PTGR1: variants seen among roughly 807,000 people sequenced by gnomAD.
PTGR1 encodes the protein 15-oxoprostaglandin 13-reductase.
Under a neutral mutation model 37.7 loss-of-function variants are expected in PTGR1, and 23 were observed. The observed-to-expected ratio is 0.61, with a 90% CI of 0.44 to 0.86. The LOEUF (loss-of-function observed/expected upper bound fraction) is 0.86. PTGR1 is among the 40% of genes least tolerant of loss of function. The pLI is 0.00. For synonymous variants in PTGR1, 134 were observed against 140.0 expected, an observed-to-expected ratio of 0.96 and a Z score of 0.30; for missense variants, 351 against 394.3, an observed-to-expected ratio of 0.89 and a Z score of 0.93.
At position 111,586,042 on chromosome 9, in the gene PTGR1, G is replaced by A. The variant is rs1449656581; in HGVS notation, c.333C>T (p.Asp111=). 6.2e-7 allele frequency: 1 copy of A among 1,614,068 alleles called. No homozygotes were observed. Among genetic ancestry groups the A allele is most frequent in the East Asian group, 2.2e-5 (1 of 44,888 alleles). The change falls in exon 5 of 10, where the codon GAC becomes GAT. Residue 111 remains aspartate (D), a synonymous_variant. Transcript: ENST00000407693. ...DLEKLLTEWP[D]TIPLSLALGT... ...CCAGAGCCAAAGACAGTGGTATTGTGTCTGGCCACTCTGTCAGCAGCTTTT... is the reference window on the plus strand; with the variant it reads ...CCAGAGCCAAAGACAGTGGTATTGTATCTGGCCACTCTGTCAGCAGCTTTT...
downstream of PTGR1, among the ~76,000 whole-genome samples, chr9:111,558,343 A>G (rs1366025337): frequency 6.6e-6 from 1 of 152,128 alleles, no homozygotes; most frequent in Non-Finnish European, 1.5e-5. Context: ...TTCTTTCAAC[A>G]TGACTTCATT....
intron 7 of PTGR1, chr9:111,577,157 A>G (rs1343671092): frequency 6.6e-6 from 1 of 152,212 alleles, no homozygotes; most frequent in Non-Finnish European, 1.5e-5. Flanking sequence ...TTTTGAACAG[A>G]TATTTCTCCA....
In PTGR1 at chr9:111,578,834, T is replaced by A. The variant is rs1564617355; in HGVS notation, c.613A>T (p.Lys205Ter). The A allele has an allele frequency of 2.5e-6, 4 of 1,608,350 alleles. No homozygotes were observed. Among genetic ancestry groups the A allele is most frequent in the Non-Finnish European group, 3.4e-6 (4 of 1,178,352 alleles). The change falls in exon 7 of 10, where the codon AAA becomes TAA. Residue 205 changes from lysine to a stop codon, truncating the protein, a stop_gained. Transcript: ENST00000407693. LOFTEE classifies it high-confidence loss of function. ...CAATCATAACCATCAGGAGACGCTT[T>A]CTTCAAGGTTTCTTCCAAAGACTCT... ...TVESLEETLK[K>*]ASPDGYDCYF...
At chr9:111,592,473 AAACTT>A (rs1829649506) in intron 4 of PTGR1, 1 of 156,484 alleles carries the variant, frequency 6.4e-6, no homozygotes, top group Admixed American at 6.2e-5. Flanking sequence ...CGCCCTCACT[AAACTT>A]AATAATAAAT....
At chr9:111,573,309 T>C (rs545631543) in intron 8 of PTGR1, among the ~76,000 whole-genome samples, 10 of 152,288 alleles carry the variant, frequency 6.6e-5, no homozygotes, top group African/African-American at 2.2e-4. Flanking sequence ...ACAATAAGAT[T>C]GCCAAGTAAA....
At chr9:111,566,134 T>C (rs148729303) in intron 9 of PTGR1, among the ~76,000 whole-genome samples, 1 of 151,936 alleles carries the variant, frequency 6.6e-6, no homozygotes, top group Non-Finnish European at 1.5e-5. Flanking sequence ...ACCCAGGAAG[T>C]AGAGGTTGCA....
chr9:111,560,960 TATATATATATATATAGAG>T (rs1439713488), downstream of PTGR1, among the ~76,000 whole-genome samples: 4 of 44,190 alleles, frequency 9.1e-5, no homozygotes, highest in East Asian at 6.1e-4. Flanking sequence ...TATATATATA[TATATATATATATATAGAG>T]AGAGAGAGAG....
Position 111,597,428 on chromosome 9 carries a change from A to C in PTGR1, c.-6T>G. On this transcript the variant is annotated 5_prime_UTR_variant, in exon 2 of 10. Coordinates refer to ENST00000407693, the MANE Select transcript of PTGR1 (RefSeq NM_001146108.2). ...CATGTCTTAGTACGAACCATCCTGAAGCTCCTAGAACACAGTAAATATGTA... is the reference window on the plus strand; with the variant it reads ...CATGTCTTAGTACGAACCATCCTGACGCTCCTAGAACACAGTAAATATGTA... The C allele has an allele frequency of 6.3e-7, 1 of 1,594,558 alleles. No homozygotes were observed. Among genetic ancestry groups the C allele is most frequent in the Non-Finnish European group, 8.6e-7 (1 of 1,164,410 alleles).
At chr9:111,550,972 A>C (rs1383668072) in intron 9 of PTGR1, among the ~76,000 whole-genome samples, 2 of 152,070 alleles carry the variant, frequency 1.3e-5, no homozygotes, top group Admixed American at 6.6e-5. Flanking sequence ...ATGATCTTTG[A>C]CTATTTATAT....
intron 4 of PTGR1, among the ~76,000 whole-genome samples, chr9:111,588,530 AT>A (rs879888012): frequency 9.4e-4 from 112 of 119,412 alleles, no homozygotes; most frequent in Non-Finnish European, 1.1e-3. Context: ...TGCCTGGCCA[AT>A]TTTTTTTTTT....
Position 111,588,522 on chromosome 9 carries a change from C to A in PTGR1, c.210-2357G>T, listed in dbSNP as rs151245368. 1.3e-3 allele frequency among the ~76,000 whole-genome samples: 191 copies of A among 146,594 alleles called. 1 individual carries two copies. In the East Asian group the frequency reaches 0.013, roughly 10 times the overall value. On this transcript the variant is annotated intron_variant, in intron 4 of 9. Coordinates refer to ENST00000407693, the MANE Select transcript of PTGR1 (RefSeq NM_001146108.2). ...TGGGATTACAGGCGTGAGCCACGTG[C>A]CTGGCCAATTTTTTTTTTTTGAGAC...
At chr9:111,575,648 G>GA (rs1357761093) in intron 7 of PTGR1, among the ~76,000 whole-genome samples, 3 of 152,300 alleles carry the variant, frequency 2.0e-5, no homozygotes, top group African/African-American at 2.4e-5. Flanking sequence ...TTCAATAGAG[G>GA]AAAAATAGTC....
downstream of PTGR1, among the ~76,000 whole-genome samples, chr9:111,560,636 C>CAAAAAA (rs1015199330): frequency 3.0e-3 from 78 of 26,290 alleles, 1 homozygote; most frequent in African/African-American, 8.0e-3. Context: ...GACACCATCT[C>CAAAAAA]AAAAAAAAAA....
At chr9:111,586,963 C>T (rs1159076879) in intron 4 of PTGR1, among the ~76,000 whole-genome samples, 1 of 151,632 alleles carries the variant, frequency 6.6e-6, no homozygotes, top group Non-Finnish European at 1.5e-5. Flanking sequence ...AGGCGCCCAC[C>T]ACAACAACAC....
At chr9:111,565,134 A>G (rs1589292867) in intron 9 of PTGR1, among the ~76,000 whole-genome samples, 2 of 152,252 alleles carry the variant, frequency 1.3e-5, no homozygotes, top group East Asian at 3.9e-4. Context: ...CAAAAAAAAA[A>G]GTACTTAAGG....
chr9:111,588,294 T>A (rs940499591), intron 4 of PTGR1, among the ~76,000 whole-genome samples: 3 of 151,598 alleles, frequency 2.0e-5, no homozygotes, highest in African/African-American at 7.3e-5. Flanking sequence ...CCTCCCCGGT[T>A]CACACCATTG....
chr9:111,586,805 A>G (rs3031178), intron 4 of PTGR1, among the ~76,000 whole-genome samples: 1 of 127,376 alleles, frequency 7.9e-6, no homozygotes, highest in African/African-American at 2.9e-5. Context: ...CTCTCTCTCT[A>G]TATATATATA....
At chr9:111,568,144 G>A (rs137980705) in intron 9 of PTGR1, among the ~76,000 whole-genome samples, 227 of 152,288 alleles carry the variant, frequency 1.5e-3, no homozygotes, top group African/African-American at 5.1e-3. Flanking sequence ...AACTGCCTGC[G>A]GGGTTGGGAA....
At chr9:111,595,961 G>T (rs749511747) in intron 2 of PTGR1, among the ~76,000 whole-genome samples, 1 of 152,114 alleles carries the variant, frequency 6.6e-6, no homozygotes, top group Non-Finnish European at 1.5e-5. Context: ...TGAACTCTTC[G>T]TATAGCTACT....
Sources: allele counts gnomAD v4.1 joint callset (sites outside exome capture counted in the v4.1 genomes callset), GRCh38; gene constraint gnomAD v4.1.1; transcripts MANE v1.5; gene names NCBI Gene and HGNC (gene_info 2026-07-23, HGNC 2026-07-21).